Variants in MAST4 observed in about 807,000 individuals in gnomAD.
The protein encoded by MAST4 is microtubule-associated serine/threonine-protein kinase 4.
In MAST4, 89 loss-of-function variants were observed where a neutral mutation model predicts 162.7. That is an observed-to-expected ratio of 0.55 (90% CI 0.46 to 0.65). The LOEUF is 0.65. Ranked by LOEUF, MAST4 falls within the 30% of genes least tolerant of loss-of-function variation. The pLI, the probability that MAST4 is intolerant of heterozygous loss-of-function variation, is 0.00. For missense variants in MAST4, 3,153 were observed against 3,374.0 expected (o/e 0.93, Z 1.62); for synonymous variants, 1,479 against 1,361.1 (o/e 1.09, Z -1.91).
chr5:66,869,699 A>G (rs997186344), intron 3 of MAST4, among the ~76,000 whole-genome samples: 2 of 152,206 alleles, frequency 1.3e-5, no homozygotes, highest in Admixed American at 6.5e-5. Flanking sequence ...AGAATACTTA[A>G]GTATTGTAAT....
At chr5:66,817,438 A>C (rs1353806825) in intron 3 of MAST4, among the ~76,000 whole-genome samples, 1 of 152,208 alleles carries the variant, frequency 6.6e-6, no homozygotes, top group East Asian at 1.9e-4. Flanking sequence ...AGCTTGAGTC[A>C]CAAAAGCCAG....
At chr5:67,013,890 A>G (rs939910134) in intron 4 of MAST4, among the ~76,000 whole-genome samples, 10 of 152,342 alleles carry the variant, frequency 6.6e-5, no homozygotes, top group Non-Finnish European at 1.3e-4. Context: ...CTGTAAAACA[A>G]TAGGCATTAA....
intron 1 of MAST4, among the ~76,000 whole-genome samples, chr5:66,729,445 C>G (rs1751709841): frequency 6.6e-6 from 1 of 152,174 alleles, no homozygotes; most frequent in Admixed American, 6.5e-5. Context: ...TGTTTTGCTT[C>G]TGTTCAGCAG....
intron 3 of MAST4, among the ~76,000 whole-genome samples, chr5:66,855,862 G>T (rs1418580722): frequency 4.6e-5 from 7 of 152,134 alleles, no homozygotes; most frequent in African/African-American, 1.7e-4. Context: ...AAGTGTGTCT[G>T]TTTGAGATGG....
At position 66,884,067 on chromosome 5, in the gene MAST4, A is replaced by G. The variant is rs112128382; in HGVS notation, c.643-15884A>G. Among the ~76,000 whole-genome samples the G allele has an allele frequency of 7.6e-3, 1,163 of 152,146 alleles. 20 individuals are homozygous for G. The highest frequency in any genetic ancestry group is 0.026 in the African/African-American group (1,096 of 41,492). ...ATGGTGTGGCAATAACTTAGTCTCC[A>G]TTTTTCTTGTGGTCATTCTATGATT... is the stretch of plus-strand genomic sequence containing the variant. On this transcript the variant is annotated intron_variant, in intron 3 of 28. Transcript: ENST00000403625.
intron 1 of MAST4, among the ~76,000 whole-genome samples, chr5:66,681,784 C>A (rs937120418): frequency 6.6e-6 from 1 of 152,216 alleles, no homozygotes. Context: ...TCTCTGCTGT[C>A]TTCTCTGTCC....
chr5:66,848,445 TG>T (rs376564712), intron 3 of MAST4, among the ~76,000 whole-genome samples: 321 of 152,068 alleles, frequency 2.1e-3, no homozygotes, highest in African/African-American at 7.3e-3. Flanking sequence ...GCAGGCAGGT[TG>T]TTTTTTTTGT....
At chr5:66,842,487 G>T (rs1758501055) in intron 3 of MAST4, among the ~76,000 whole-genome samples, 1 of 149,634 alleles carries the variant, frequency 6.7e-6, no homozygotes, top group South Asian at 2.2e-4. Context: ...ACACTGCCTT[G>T]TCTGTTTCAT....
intron 17 of MAST4, 39 bp downstream of exon 17, chr5:67,133,685 A>C: frequency 6.2e-7 from 1 of 1,608,020 alleles, no homozygotes; most frequent in East Asian, 2.2e-5. Context: ...AGAAATACAA[A>C]GTATGGTATT....
chr5:66,675,868 C>T (rs779033078), intron 1 of MAST4, among the ~76,000 whole-genome samples: 12 of 152,180 alleles, frequency 7.9e-5, no homozygotes, highest in Non-Finnish European at 1.3e-4. Context: ...TACAGCATCA[C>T]ATGTGAAAAA....
chr5:66,631,554 C>T (rs376565397), intron 1 of MAST4, among the ~76,000 whole-genome samples: 8 of 152,228 alleles, frequency 5.3e-5, no homozygotes, highest in East Asian at 1.9e-4. Context: ...TGAATCATTA[C>T]GTAATGCCTT....
At chr5:67,138,498 A>C (rs772638713) in intron 19 of MAST4, among the ~76,000 whole-genome samples, 1 of 151,806 alleles carries the variant, frequency 6.6e-6, no homozygotes, top group Non-Finnish European at 1.5e-5. Flanking sequence ...CAGTGGTGCG[A>C]TCTTGGTCCA....
chr5:66,722,145 A>G (rs564319365), intron 1 of MAST4, among the ~76,000 whole-genome samples: 3 of 152,280 alleles, frequency 2.0e-5, no homozygotes, highest in Non-Finnish European at 4.4e-5. Context: ...CTTCTGCTCA[A>G]ACCTCTGAAG....
intron 1 of MAST4, among the ~76,000 whole-genome samples, chr5:66,734,796 G>C (rs1395501895): frequency 2.0e-5 from 3 of 152,208 alleles, no homozygotes; most frequent in Non-Finnish European, 4.4e-5. Flanking sequence ...GGACGGCACA[G>C]TGTTGGAAGC....
At chr5:66,837,788 G>A (rs1190364031) in intron 3 of MAST4, among the ~76,000 whole-genome samples, 2 of 147,928 alleles carry the variant, frequency 1.4e-5, no homozygotes, top group Admixed American at 1.4e-4. Context: ...ATATCCAAAT[G>A]TAAGGTTTGA....
chr5:66,976,919 A>G (rs540083196), intron 4 of MAST4, among the ~76,000 whole-genome samples: 37 of 152,216 alleles, frequency 2.4e-4, no homozygotes, highest in South Asian at 1.9e-3. Context: ...CTTTGCATCT[A>G]TAGTTTTCTA....
intron 4 of MAST4, among the ~76,000 whole-genome samples, chr5:67,022,975 A>G (rs1267109561): frequency 6.6e-6 from 1 of 152,112 alleles, no homozygotes. Flanking sequence ...CTTTTGGTGC[A>G]AGCATGTAAT....
intron 4 of MAST4, among the ~76,000 whole-genome samples, chr5:67,025,008 T>C (rs1056324841): frequency 1.9e-4 from 29 of 152,284 alleles, no homozygotes; most frequent in African/African-American, 6.7e-4. Context: ...TCTGTTCACG[T>C]TTCTGCCACT....
At chr5:67,032,927 T>G (rs1251918502) in intron 4 of MAST4, among the ~76,000 whole-genome samples, 1 of 152,162 alleles carries the variant, frequency 6.6e-6, no homozygotes, top group African/African-American at 2.4e-5. Context: ...TGAAAAGTGA[T>G]GTACCATATT....
Sources: gnomAD v4.1 joint callset for allele counts (sites outside exome capture counted in the v4.1 genomes callset) on GRCh38, gnomAD v4.1.1 for gene constraint, MANE v1.5 for transcripts, NCBI Gene and HGNC (gene_info 2026-07-23, HGNC 2026-07-21) for gene names.